Variants in ZNF599 observed in about 807,000 individuals in gnomAD.
ZNF599 encodes zinc finger protein 599.
In ZNF599, 10 loss-of-function variants were observed where a neutral mutation model predicts 11.7. The ratio of observed to expected loss-of-function variants is 0.86; its 90% confidence interval spans 0.53 to 1.45. The LOEUF (loss-of-function observed/expected upper bound fraction) is 1.45, where lower values mean the gene tolerates loss of function less well. ZNF599 is among the 40% of genes most tolerant of loss of function. ZNF599 has a pLI of 0.00. For missense variants in ZNF599, 688 were observed against 713.6 expected (o/e 0.96, Z 0.41); for synonymous variants, 232 against 253.2 (o/e 0.92, Z 0.79).
the ZNF599 span, among the ~76,000 whole-genome samples, chr19:34,794,934 T>C: frequency 6.6e-6 from 1 of 152,172 alleles, no homozygotes; most frequent in African/African-American, 2.4e-5. Flanking sequence ...TGCTTCTTGC[T>C]GATCTTATGG....
rs1306318963 is a variant in ZNF599 at position 34,759,892 on chromosome 19, CATATT to C, written c.904_908del (p.Asn302AspfsTer37). ...AAAAGGGTTTTTCTCGAGTGTGAGT[CATATT>C]ATGCTGGATAAAAGAAGAGCGGTGG... On this transcript the variant is annotated frameshift_variant, in exon 4 of 4. Coordinates refer to ENST00000329285, the MANE Select transcript of ZNF599 (RefSeq NM_001007248.3). LOFTEE classifies it low-confidence loss of function (END_TRUNC). 1 of 1,614,132 alleles carries C rather than the reference CATATT, an allele frequency of 6.2e-7. No individual in the cohort carries two copies. Among genetic ancestry groups the C allele is most frequent in the Admixed American group, 1.7e-5 (1 of 60,014 alleles).
chr19:34,803,579 A>G, the ZNF599 span, among the ~76,000 whole-genome samples: 1 of 152,130 alleles, frequency 6.6e-6, no homozygotes, highest in African/African-American at 2.4e-5. Flanking sequence ...TACTCCTTCC[A>G]AGATCCAAAA....
At chr19:34,807,511 C>A in the ZNF599 span, among the ~76,000 whole-genome samples, 1 of 152,246 alleles carries the variant, frequency 6.6e-6, no homozygotes, top group African/African-American at 2.4e-5. Context: ...GCCTTCGCCT[C>A]CTTTTCCCTC....
the ZNF599 span, among the ~76,000 whole-genome samples, chr19:34,805,216 T>TTTTTA: frequency 6.7e-6 from 1 of 150,374 alleles, no homozygotes; most frequent in Non-Finnish European, 1.5e-5. Context: ...TTTTTTTTTT[T>TTTTTA]GAGACGGAGT....
At chr19:34,797,282 A>C in the ZNF599 span, among the ~76,000 whole-genome samples, 5 of 152,332 alleles carry the variant, frequency 3.3e-5, no homozygotes, top group African/African-American at 1.2e-4. Context: ...ATACGTGTGC[A>C]TGTGTCTTTA....
intron 1 of ZNF599, among the ~76,000 whole-genome samples, chr19:34,772,102 G>A (rs1166482347): frequency 6.6e-6 from 1 of 152,144 alleles, no homozygotes; most frequent in Non-Finnish European, 1.5e-5. Context: ...GAGTAACTTG[G>A]GGCCTTATGT....
At chr19:34,792,602 G>A in the ZNF599 span, among the ~76,000 whole-genome samples, 1 of 152,252 alleles carries the variant, frequency 6.6e-6, no homozygotes, top group African/African-American at 2.4e-5. Context: ...GGTGGCTCAC[G>A]CCTGTAATCC....
At chr19:34,771,165 T>C (rs2069181414) in intron 1 of ZNF599, among the ~76,000 whole-genome samples, 1 of 152,066 alleles carries the variant, frequency 6.6e-6, no homozygotes, top group Non-Finnish European at 1.5e-5. Context: ...TCCTAGCTAC[T>C]CAGGAGGCTC....
chr19:34,795,437 G>A, the ZNF599 span, among the ~76,000 whole-genome samples: 3 of 152,118 alleles, frequency 2.0e-5, no homozygotes, highest in Non-Finnish European at 4.4e-5. Context: ...ACCCTGCCCA[G>A]CTATTTTTTT....
rs754417637 is a variant in ZNF599, at chr19:34,760,005, G to A, written c.796C>T (p.Arg266Cys). ...KCIECGKAFKRRFHLTEHQRI... is the reference protein window; with the variant it reads ...KCIECGKAFKCRFHLTEHQRI... ...TGGTGCTCCGTGAGGTGAAACCTGC[G>A]TTTGAAGGCTTTCCCACACTCAATA... is the stretch of plus-strand genomic sequence containing the variant. Residue 266 changes from arginine to cysteine, a missense_variant, in exon 4 of 4, where the codon CGC becomes TGC. By Grantham distance (180) the Arg-to-Cys change is radical. Coordinates refer to ENST00000329285, the MANE Select transcript of ZNF599 (RefSeq NM_001007248.3). 49 of 1,614,088 alleles carry A rather than the reference G, an allele frequency of 3.0e-5. No individual in the cohort carries two copies. In the Middle Eastern group the frequency reaches 8.2e-4, roughly 27 times the overall value.
the ZNF599 span, among the ~76,000 whole-genome samples, chr19:34,796,250 A>G: frequency 1.3e-5 from 2 of 152,018 alleles, no homozygotes; most frequent in Admixed American, 1.3e-4. Context: ...GGTATACCCA[A>G]CTAGTGATTC....
rs2069091495 is a variant in ZNF599, at chr19:34,759,232, A to G, written c.1569T>C (p.Val523=). The G allele has an allele frequency of 6.2e-7, 1 of 1,613,986 alleles. No homozygotes were observed. Among genetic ancestry groups the G allele is most frequent in the African/African-American group, 1.3e-5 (1 of 74,882 alleles). The change falls in exon 4 of 4, where the codon GTT becomes GTC. Residue 523 remains valine (V), a synonymous_variant. Transcript: ENST00000329285. ...CTCCAGTGTGGATCCTATTATGCCG[A>G]ACAAAATTTGCAGGTTGGGTAAAAG... ...GKAFTQPANF[V]RHNRIHTGEK...
At chr19:34,800,425 T>C in the ZNF599 span, among the ~76,000 whole-genome samples, 3 of 152,290 alleles carry the variant, frequency 2.0e-5, no homozygotes, top group Admixed American at 6.5e-5. Context: ...GGTCTTATTT[T>C]TTATTCAATC....
intron 1 of ZNF599, among the ~76,000 whole-genome samples, chr19:34,771,896 T>G (rs915635554): frequency 2.0e-5 from 3 of 152,138 alleles, no homozygotes; most frequent in African/African-American, 7.2e-5. Context: ...CAGAAGACTC[T>G]AGAAAACAAC....
chr19:34,775,046 T>A (rs1600161830), upstream of ZNF599, among the ~76,000 whole-genome samples: 1 of 152,250 alleles, frequency 6.6e-6, no homozygotes, highest in East Asian at 1.9e-4. Context: ...CTACACTGGC[T>A]CCCCCTTTGC....
the ZNF599 span, among the ~76,000 whole-genome samples, chr19:34,784,552 C>T: frequency 2.8e-4 from 43 of 152,170 alleles, no homozygotes; most frequent in Non-Finnish European, 1.0e-4. Flanking sequence ...TGGCTTCAAC[C>T]TCAGTCATTA....
chr19:34,771,739 A>G (rs1476798099), intron 1 of ZNF599, among the ~76,000 whole-genome samples: 9 of 152,192 alleles, frequency 5.9e-5, no homozygotes, highest in African/African-American at 1.9e-4. Flanking sequence ...GCCCCAGAGG[A>G]TAGAATCTCA....
chr19:34,803,035 G>A, the ZNF599 span, among the ~76,000 whole-genome samples: 1 of 152,174 alleles, frequency 6.6e-6, no homozygotes, highest in Admixed American at 6.5e-5. Flanking sequence ...GAAGACATGG[G>A]GATATATTAG....
intron 3 of ZNF599, chr19:34,763,035 A>G (rs1381672892): frequency 6.6e-6 from 1 of 152,204 alleles, no homozygotes; most frequent in East Asian, 1.9e-4. Flanking sequence ...TGAATAGCCT[A>G]TATTTATGAA....
Sources: gnomAD v4.1 joint callset for allele counts (sites outside exome capture counted in the v4.1 genomes callset) on GRCh38, gnomAD v4.1.1 for gene constraint, MANE v1.5 for transcripts, NCBI Gene and HGNC (gene_info 2026-07-23, HGNC 2026-07-21) for gene names.